POGLUT2: variants seen among roughly 807,000 people sequenced by gnomAD.
POGLUT2 encodes ER protein 58.
In POGLUT2, 47 loss-of-function variants were observed where a neutral mutation model predicts 57.6. The ratio of observed to expected loss-of-function variants is 0.82; its 90% CI spans 0.65 to 1.04. The LOEUF (loss-of-function observed/expected upper bound fraction) is 1.04. Ranked by LOEUF, POGLUT2 falls within the 50% of genes least tolerant of loss-of-function variation. The pLI is 0.00. For missense variants in POGLUT2, 565 were observed against 614.8 expected, an observed-to-expected ratio of 0.92 and a Z score of 0.86; for synonymous variants, 200 against 218.8, an observed-to-expected ratio of 0.91 and a Z score of 0.76.
At chr13:102,794,980 T>C (rs930758992) in intron 2 of POGLUT2, among the ~76,000 whole-genome samples, 1 of 150,742 alleles carries the variant, frequency 6.6e-6, no homozygotes, top group East Asian at 1.9e-4. Flanking sequence ...GTAGGCTGGG[T>C]TCTTGGCTCA....
At chr13:102,789,274 C>T in intron 6 of POGLUT2, 53 bp from the exon 7 acceptor site, 1 of 1,423,186 alleles carries the variant, frequency 7.0e-7, no homozygotes, top group Non-Finnish European at 9.9e-7. Flanking sequence ...CTTTTCTCCA[C>T]TCTATTCTCC....
intron 1 of POGLUT2, 62 bp from the exon 2 acceptor site, chr13:102,797,071 T>G (rs1878429170): frequency 8.7e-7 from 1 of 1,153,504 alleles, no homozygotes; most frequent in South Asian, 1.3e-5. Flanking sequence ...ACAAAGGTTA[T>G]GCTCTTCAGT....
intron 2 of POGLUT2, 60 bp from the exon 3 acceptor site, chr13:102,793,866 G>GTAATAAACATCTA: frequency 1.4e-6 from 2 of 1,401,514 alleles, no homozygotes; most frequent in South Asian, 2.3e-5. Flanking sequence ...TTCGAAACTT[G>GTAATAAACATCTA]TAATAAACAT....
At chr13:102,788,870 T>C (rs1293009868) in intron 7 of POGLUT2, 142 bp downstream of exon 7, 2 of 734,160 alleles carry the variant, frequency 2.7e-6, no homozygotes, top group African/African-American at 3.5e-5. Context: ...TGCCGTGCCA[T>C]CTATGGGCAG....
At chr13:102,787,298 C>T (rs906600330) in intron 8 of POGLUT2, among the ~76,000 whole-genome samples, 6 of 152,200 alleles carry the variant, frequency 3.9e-5, no homozygotes, top group Non-Finnish European at 8.8e-5. Context: ...CTGTCTGCCT[C>T]AGCCTCCCAA....
intron 1 of POGLUT2, among the ~76,000 whole-genome samples, chr13:102,797,884 C>G (rs910119972): frequency 8.5e-5 from 13 of 152,246 alleles, no homozygotes; most frequent in African/African-American, 3.1e-4. Context: ...GAAATACACA[C>G]AGTCAGCATC....
rs762196228 is a variant in POGLUT2 at position 102,789,152 on chromosome 13, T to C, written c.1153A>G (p.Ser385Gly). 1 of 1,614,182 alleles carries C rather than the reference T, an allele frequency of 6.2e-7. No homozygotes were observed. Among genetic ancestry groups the C allele is most frequent in the Non-Finnish European group, 8.5e-7 (1 of 1,180,002 alleles). ...YRLPYLLVGD[S>G]VVLKQDSIYY... The stretch of plus-strand genomic sequence containing the variant: ...ATGGAATCCTGCTTCAGCACAACAC[T>C]GTCACCAACTAGCAAATATGGCAGG... Residue 385 changes from serine (S) to glycine (G), a missense_variant, in exon 7 of 10, where the codon AGT becomes GGT. Physicochemically the swap from Ser to Gly is moderately conservative, Grantham distance 56. Coordinates refer to ENST00000376004, the MANE Select transcript of POGLUT2 (RefSeq NM_024089.3).
At chr13:102,785,451 TACACACACACAC>T (rs56102018) in intron 9 of POGLUT2, among the ~76,000 whole-genome samples, 133 of 148,556 alleles carry the variant, frequency 9.0e-4, no homozygotes, top group South Asian at 3.0e-3. Context: ...CAGCATATGT[TACACACACACAC>T]ACACACACAC....
Position 102,796,970 on chromosome 13 carries a change from T to A in POGLUT2, c.222A>T (p.Lys74Asn), listed in dbSNP as rs1363334266. The A allele has an allele frequency of 6.2e-7, 1 of 1,613,646 alleles. No homozygotes were observed. Among genetic ancestry groups the A allele is most frequent in the Admixed American group, 1.7e-5 (1 of 59,998 alleles). ...TGAATTGCTCCTCTGGTGCTGAGAC[T>A]TTCACCTGGAAGACCTTTTCGCCTG... The part of the protein sequence containing the change: ...SSPGEKVFQV[K>N]VSAPEEQFTR... The change falls in exon 2 of 10, where the codon AAA becomes AAT. Residue 74 changes from lysine (K) to asparagine (N), a missense_variant. Lys to Asn is a moderately conservative substitution (Grantham distance 94, BLOSUM62 0). Coordinates refer to ENST00000376004, the MANE Select transcript of POGLUT2 (RefSeq NM_024089.3).
intron 4 of POGLUT2, chr13:102,793,022 C>T (rs560715930): frequency 4.0e-5 from 9 of 223,156 alleles, no homozygotes; most frequent in African/African-American, 6.9e-5. Context: ...GTGATCCACC[C>T]GCTTTGACCT....
intron 6 of POGLUT2, 67 bp downstream of exon 6, chr13:102,790,834 C>T (rs1878136400): frequency 9.2e-7 from 1 of 1,091,556 alleles, no homozygotes; most frequent in Non-Finnish European, 1.4e-6. Flanking sequence ...CTTAATTTCC[C>T]TTCCCAAAGC....
chr13:102,790,203 C>T (rs1230751119), intron 6 of POGLUT2, among the ~76,000 whole-genome samples: 1 of 152,146 alleles, frequency 6.6e-6, no homozygotes, highest in Non-Finnish European at 1.5e-5. Flanking sequence ...CAACCTGCCT[C>T]AACAAAACCC....
At chr13:102,793,885 TG>T in intron 2 of POGLUT2, 79 bp from the exon 3 acceptor site, 1 of 1,270,586 alleles carries the variant, frequency 7.9e-7, no homozygotes, top group East Asian at 2.4e-5. Context: ...ATCTATAATG[TG>T]GCTTCATGAA....
At chr13:102,784,804 A>C (rs553584054) in intron 9 of POGLUT2, among the ~76,000 whole-genome samples, 3 of 152,358 alleles carry the variant, frequency 2.0e-5, no homozygotes, top group African/African-American at 7.2e-5. Flanking sequence ...AGCAAAAAAT[A>C]AACGAAGCTA....
In POGLUT2 at chr13:102,798,874, T is replaced by A. The variant is rs1566440938; in HGVS notation, c.-204A>T. ...AAGCCCGTGCCCCGGCGCGCCCAGG[T>A]GAGGGTCCCCTGGCGTTCTGCTGTC... is the stretch of plus-strand genomic sequence containing the variant. On this transcript the variant is annotated 5_prime_UTR_variant, in exon 1 of 10. Transcript: ENST00000376004. 2 of 495,138 alleles carry A rather than the reference T, an allele frequency of 4.0e-6. No individual in the cohort carries two copies. The highest frequency in any genetic ancestry group is 7.0e-6 in the Non-Finnish European group (2 of 284,570). The allele number at this position is 495,138 out of a possible 1,614,324, so 30.7% of individuals were successfully genotyped here. A position where few individuals can be genotyped will look rare whatever the true frequency, so the allele number is the denominator to read the frequency against.
At chr13:102,789,858 A>G (rs1878102239) in intron 6 of POGLUT2, among the ~76,000 whole-genome samples, 1 of 152,222 alleles carries the variant, frequency 6.6e-6, no homozygotes, top group African/African-American at 2.4e-5. Context: ...TCAGCCTCCC[A>G]AAGTGCTAGG....
At position 102,784,468 on chromosome 13, in the gene POGLUT2, T is replaced by G; in HGVS notation, c.*27A>C. 1 of 1,440,822 alleles carries G rather than the reference T, an allele frequency of 6.9e-7. No individual in the cohort carries two copies. The highest frequency in any genetic ancestry group is 9.7e-7 in the Non-Finnish European group (1 of 1,032,504). The allele number at this position is 1,440,822 out of a possible 1,614,324, so 89.3% of individuals were successfully genotyped here. On this transcript the variant is annotated 3_prime_UTR_variant, in exon 10 of 10. Transcript: ENST00000376004. ...GTTAAGAAGAGTCTTCAGAGCACCATTATTCTAATAGAAGTTATTTTGCAT... is the reference window on the plus strand; with the variant it reads ...GTTAAGAAGAGTCTTCAGAGCACCAGTATTCTAATAGAAGTTATTTTGCAT...
At position 102,791,356 on chromosome 13, in the gene POGLUT2, G is replaced by A; in HGVS notation, c.747C>T (p.Asn249=). Residue 249 remains asparagine (N), a synonymous_variant, in exon 5 of 10, where the codon AAC becomes AAT. Transcript: ENST00000376004. Reference sequence around the variant, plus strand: ...CACACCAGGAAAAGATCGGATGGATGTTTGAATTGGATTTCTTTTTTTCCA... The same window carrying A: ...CACACCAGGAAAAGATCGGATGGATATTTGAATTGGATTTCTTTTTTTCCA... The part of the protein sequence containing the change: ...WPLEKKKSNS[N]IHPIFSWCGS... 6.2e-7 allele frequency: 1 copy of A among 1,612,848 alleles called. No individual in the cohort carries two copies. Among genetic ancestry groups the A allele is most frequent in the Non-Finnish European group, 8.5e-7 (1 of 1,179,686 alleles).
At chr13:102,785,089 G>A (rs1877886379) in intron 9 of POGLUT2, among the ~76,000 whole-genome samples, 3 of 152,154 alleles carry the variant, frequency 2.0e-5, no homozygotes. Context: ...CCACCTCTGA[G>A]GGCCAGTTGG....
Sources: gnomAD v4.1 joint callset for allele counts (sites outside exome capture counted in the v4.1 genomes callset) on GRCh38, gnomAD v4.1.1 for gene constraint, MANE v1.5 for transcripts, NCBI Gene and HGNC (gene_info 2026-07-23, HGNC 2026-07-21) for gene names.